VWA8: variants seen among roughly 807,000 people sequenced by gnomAD.
VWA8 encodes von Willebrand factor A domain containing 8.
A neutral mutation model predicts 241.5 loss-of-function variants in VWA8; 221 were observed. That is an observed-to-expected ratio of 0.91 (90% CI 0.82 to 1.02). VWA8 has a LOEUF of 1.02. Among genes scored for constraint, VWA8 ranks in the 50% least tolerant of loss-of-function variants. The probability of loss-of-function intolerance (pLI) is 0.00; values close to 1 mark genes in which losing one functional copy is unlikely to be tolerated. For synonymous variants in VWA8, 852 were observed against 827.1 expected (o/e 1.03, Z -0.52); for missense variants, 2,322 against 2,328.7 (o/e 1.00, Z 0.06).
In VWA8 at chr13:41,568,287, T is replaced by C; in HGVS notation, c.5628A>G (p.Pro1876=). The C allele has an allele frequency of 6.2e-7, 1 of 1,614,142 alleles. No individual in the cohort carries two copies. Among genetic ancestry groups the C allele is most frequent in the Non-Finnish European group, 8.5e-7 (1 of 1,179,990 alleles). Residue 1876 remains proline (P), a synonymous_variant, in exon 45 of 45, where the codon CCA becomes CCG. Coordinates refer to ENST00000379310, the MANE Select transcript of VWA8 (RefSeq NM_015058.2). ...CCATGGCAACGAAAGACCGACCAGCTGGTAAAGTTCTCTGAAGCCTGCCAG... is the reference window on the plus strand; with the variant it reads ...CCATGGCAACGAAAGACCGACCAGCCGGTAAAGTTCTCTGAAGCCTGCCAG... ...DQATRLQRTL[P]AGRSFVAMDT... is the part of the protein sequence containing the mutation.
At chr13:41,660,909 C>T (rs942509345) in intron 37 of VWA8, among the ~76,000 whole-genome samples, 1 of 150,530 alleles carries the variant, frequency 6.6e-6, no homozygotes, top group African/African-American at 2.4e-5. Flanking sequence ...CGGAGTCTCG[C>T]TCTATTGCCA....
chr13:41,837,162 C>G (rs1871779469), intron 12 of VWA8, among the ~76,000 whole-genome samples: 1 of 152,146 alleles, frequency 6.6e-6, no homozygotes, highest in Admixed American at 6.5e-5. Context: ...TCCAGCAATC[C>G]TCACACTTCA....
At position 41,592,029 on chromosome 13, in the gene VWA8, C is replaced by T. The variant is rs78568621; in HGVS notation, c.4987-1264G>A. Among the ~76,000 whole-genome samples the T allele has an allele frequency of 2.7e-5, 4 of 147,544 alleles. No homozygotes were observed. In the East Asian group the frequency reaches 5.9e-4, roughly 22 times the overall value. ...GACACATGCACACGTATGTTTATTG[C>T]GGCACTATTCACAATAGCAAAGTCT... is the stretch of plus-strand genomic sequence containing the variant. On this transcript the variant is annotated intron_variant, in intron 40 of 44. Transcript: ENST00000379310.
intron 26 of VWA8, among the ~76,000 whole-genome samples, chr13:41,706,695 G>A (rs59618071): frequency 0.067 from 10,223 of 152,218 alleles, 464 homozygotes; most frequent in Non-Finnish European, 0.099. Flanking sequence ...TAATTTAGGG[G>A]AAACTCTAAA....
At chr13:41,745,287 G>A (rs553716192) in intron 21 of VWA8, among the ~76,000 whole-genome samples, 1 of 151,636 alleles carries the variant, frequency 6.6e-6, no homozygotes, top group African/African-American at 2.4e-5. Context: ...TATCCCTCCC[G>A]CATCCCCCCA....
chr13:41,793,510 G>T (rs1869545595), intron 17 of VWA8, among the ~76,000 whole-genome samples: 1 of 152,062 alleles, frequency 6.6e-6, no homozygotes, highest in Non-Finnish European at 1.5e-5. Flanking sequence ...TAGTAAAATT[G>T]TCAATTAAAA....
chr13:41,751,570 T>C (rs1043946320), intron 21 of VWA8, among the ~76,000 whole-genome samples: 4 of 152,222 alleles, frequency 2.6e-5, no homozygotes, highest in Admixed American at 2.0e-4. Context: ...TCAAAATTTA[T>C]ACTGTCACAT....
chr13:41,862,236 C>T (rs1035879050), intron 12 of VWA8, among the ~76,000 whole-genome samples: 1 of 152,160 alleles, frequency 6.6e-6, no homozygotes, highest in Admixed American at 6.6e-5. Context: ...GGATAACTGG[C>T]TAGCCATAGG....
At chr13:41,798,476 T>C (rs889321670) in intron 17 of VWA8, among the ~76,000 whole-genome samples, 39 of 152,236 alleles carry the variant, frequency 2.6e-4, no homozygotes, top group African/African-American at 9.2e-4. Context: ...TTCAGGATAC[T>C]ATCCAATCCT....
At chr13:41,878,999 C>T (rs1462683182) in intron 9 of VWA8, among the ~76,000 whole-genome samples, 2 of 152,086 alleles carry the variant, frequency 1.3e-5, no homozygotes, top group East Asian at 3.9e-4. Context: ...TTTATCAGAA[C>T]TTCTCATGAG....
In VWA8 at chr13:41,767,409, T is replaced by G. The variant is rs117511304; in HGVS notation, c.2350-6205A>C. Among the ~76,000 whole-genome samples, 3 of 152,336 alleles carry G rather than the reference T, an allele frequency of 2.0e-5. No homozygotes were observed. The East Asian group carries it at 5.8e-4, about 29-fold the overall frequency. ...CTGAGCTTAGATTTGCTCATTTGAATAGAGAGGCCTTAGACAAGCTAATCT... is the reference window on the plus strand; with the variant it reads ...CTGAGCTTAGATTTGCTCATTTGAAGAGAGAGGCCTTAGACAAGCTAATCT... On this transcript the variant is annotated intron_variant, in intron 20 of 44. Coordinates refer to ENST00000379310, the MANE Select transcript of VWA8 (RefSeq NM_015058.2).
chr13:41,881,631 T>C lies in VWA8; in HGVS notation c.1080+1756A>G, dbSNP rs1163740284. Among the ~76,000 whole-genome samples, 3 of 140,290 alleles carry C rather than the reference T, an allele frequency of 2.1e-5. No individual in the cohort carries two copies. The East Asian group carries it at 6.6e-4, about 31-fold the overall frequency. The allele number at this position is 140,290 out of a possible 152,430, so 92.0% of individuals were successfully genotyped here. ...GGCAGAGGGGCTCCTCACTTCCCAG[T>C]AGGGGCGGCTGGGCAGAGGGCTCCT... On this transcript the variant is annotated intron_variant, in intron 9 of 44. Coordinates refer to ENST00000379310, the MANE Select transcript of VWA8 (RefSeq NM_015058.2).
chr13:41,776,826 C>T (rs1416595733), intron 20 of VWA8, among the ~76,000 whole-genome samples: 1 of 152,062 alleles, frequency 6.6e-6, no homozygotes, highest in Middle Eastern at 3.2e-3. Context: ...AATTTCTAAG[C>T]CTATGCACTC....
chr13:41,662,282 T>C (rs1336796455), intron 37 of VWA8, among the ~76,000 whole-genome samples: 1 of 152,156 alleles, frequency 6.6e-6, no homozygotes, highest in African/African-American at 2.4e-5. Context: ...TCAGTATATC[T>C]CTCCATTTAT....
intron 43 of VWA8, among the ~76,000 whole-genome samples, chr13:41,572,435 TTTGTTCTGTATTAAGAAAAA>T (rs2044313935): frequency 6.6e-6 from 1 of 152,188 alleles, no homozygotes; most frequent in Non-Finnish European, 1.5e-5. Context: ...GAGACTCCAT[TTTGTTCTGTATTAAGAAAAA>T]TTCTTCTGCC....
intron 40 of VWA8, among the ~76,000 whole-genome samples, chr13:41,592,489 T>G (rs993826549): frequency 5.7e-5 from 8 of 141,580 alleles, no homozygotes; most frequent in African/African-American, 1.8e-4. Flanking sequence ...TAAAATAAAA[T>G]AAAATAAAAA....
chr13:41,777,958 G>T (rs1304410755), intron 20 of VWA8, 27 bp downstream of exon 20: 2 of 1,559,876 alleles, frequency 1.3e-6, no homozygotes, highest in Admixed American at 1.9e-5. Context: ...TTTTTTCATT[G>T]GTACCTAGAT....
chr13:41,800,805 A>AAT (rs1869922061), intron 17 of VWA8, among the ~76,000 whole-genome samples: 1 of 151,916 alleles, frequency 6.6e-6, no homozygotes, highest in South Asian at 2.1e-4. Context: ...AAAAAAAAAA[A>AAT]AAAAACACCG....
intron 36 of VWA8, among the ~76,000 whole-genome samples, chr13:41,672,714 G>A (rs1182381523): frequency 6.6e-6 from 1 of 152,106 alleles, no homozygotes; most frequent in Non-Finnish European, 1.5e-5. Context: ...AGTGGGATGG[G>A]ACCATATGTT....
Sources: allele counts gnomAD v4.1 joint callset (sites outside exome capture counted in the v4.1 genomes callset), GRCh38; gene constraint gnomAD v4.1.1; transcripts MANE v1.5; gene names NCBI Gene and HGNC (gene_info 2026-07-23, HGNC 2026-07-21).